DISC1: variants seen among roughly 807,000 people sequenced by gnomAD.
The protein encoded by DISC1 is disrupted in schizophrenia 1 protein.
A neutral mutation model predicts 84.5 loss-of-function variants in DISC1; 57 were observed. The ratio of observed to expected loss-of-function variants is 0.67; its 90% CI spans 0.55 to 0.84. The LOEUF (loss-of-function observed/expected upper bound fraction) is 0.84, where lower values mean the gene tolerates loss of function less well. Among genes scored for constraint, DISC1 ranks in the 40% least tolerant of loss-of-function variants. The probability of loss-of-function intolerance (pLI) is 0.00; values close to 1 mark genes in which losing one functional copy is unlikely to be tolerated. For synonymous variants in DISC1, 411 were observed against 415.2 expected (o/e 0.99, Z 0.12); for missense variants, 1,000 against 1,057.8 (o/e 0.95, Z 0.76).
chr1:231,795,335 T>A, intron 7 of DISC1, 39 bp downstream of exon 7: 1 of 1,583,666 alleles, frequency 6.3e-7, no homozygotes, highest in Non-Finnish European at 8.7e-7. Context: ...AAGAAGCCTA[T>A]GAAGTTTTCG....
Position 232,036,817 on chromosome 1 carries a change from G to C in DISC1, c.2551G>C (p.Glu851Gln). The C allele has an allele frequency of 6.3e-7, 1 of 1,579,370 alleles. No individual in the cohort carries two copies. The highest frequency in any genetic ancestry group is 8.6e-7 in the Non-Finnish European group (1 of 1,159,492). Residue 851 changes from glutamate to glutamine, a missense_variant, in exon 13 of 13, where the codon GAA becomes CAA. Transcript: ENST00000439617. Reference sequence around the variant, plus strand: ...TTCCTGCATGACAGCTGGTGTCCACGAAGCACAAGCCTGAGGAGTGACGGG... The same window carrying C: ...TTCCTGCATGACAGCTGGTGTCCACCAAGCACAAGCCTGAGGAGTGACGGG... ...AASCMTAGVH[E>Q]AQA
intron 3 of DISC1, among the ~76,000 whole-genome samples, chr1:231,715,480 T>C (rs2068565777): frequency 6.6e-6 from 1 of 152,196 alleles, no homozygotes; most frequent in Non-Finnish European, 1.5e-5. Flanking sequence ...GAGACTTTTG[T>C]CTGATCTTTA....
chr1:231,767,173 A>T lies in DISC1; in HGVS notation c.1302A>T (p.Arg434Ser). Residue 434 changes from arginine (R) to serine (S), a missense_variant, in exon 5 of 13, where the codon AGA (arginine) becomes AGT (serine). Physicochemically the swap from Arg to Ser is moderately radical, Grantham distance 110 (BLOSUM62 -1). Coordinates refer to ENST00000439617, the MANE Select transcript of DISC1 (RefSeq NM_018662.3). The stretch of plus-strand genomic sequence containing the variant: ...GAGATGACACCCACACCCCACTGAG[A>T]ATGGAGCCGAGGCTGTTGGAACCCA... ...ASGDDTHTPL[R>S]MEPRLLEPTA... The T allele has an allele frequency of 6.2e-7, 1 of 1,614,218 alleles. No individual in the cohort carries two copies. Among genetic ancestry groups the T allele is most frequent in the East Asian group, 2.2e-5 (1 of 44,880 alleles).
At chr1:231,644,299 G>A (rs1025049741) in intron 1 of DISC1, among the ~76,000 whole-genome samples, 2 of 152,196 alleles carry the variant, frequency 1.3e-5, no homozygotes, top group Non-Finnish European at 2.9e-5. Flanking sequence ...ATGGACATTT[G>A]TTAACAATGG....
chr1:231,901,597 G>T (rs913392552), intron 9 of DISC1, among the ~76,000 whole-genome samples: 1 of 152,160 alleles, frequency 6.6e-6, no homozygotes, highest in Non-Finnish European at 1.5e-5. Context: ...ATGAAATCAG[G>T]CTTGTATGGC....
At chr1:231,720,456 A>G (rs890104797) in intron 3 of DISC1, among the ~76,000 whole-genome samples, 2 of 152,062 alleles carry the variant, frequency 1.3e-5, no homozygotes, top group Non-Finnish European at 2.9e-5. Flanking sequence ...CTCCTGCCTC[A>G]GCCTCTCAAG....
chr1:231,964,406 A>G (rs1382774251), intron 10 of DISC1, among the ~76,000 whole-genome samples: 1 of 152,142 alleles, frequency 6.6e-6, no homozygotes, highest in Non-Finnish European at 1.5e-5. Context: ...ACAGTCTCAA[A>G]TGACCGTGAT....
chr1:231,899,643 A>G (rs2126023721), intron 9 of DISC1, among the ~76,000 whole-genome samples: 1 of 152,350 alleles, frequency 6.6e-6, no homozygotes, highest in South Asian at 2.1e-4. Flanking sequence ...CTTTATACAT[A>G]TATTTTAATA....
chr1:231,980,121 C>T (rs2102864827), intron 10 of DISC1, among the ~76,000 whole-genome samples: 1 of 152,286 alleles, frequency 6.6e-6, no homozygotes, highest in East Asian at 1.9e-4. Flanking sequence ...CTCTCTTCTA[C>T]CTTCCATCTA....
intron 6 of DISC1, among the ~76,000 whole-genome samples, chr1:231,773,055 G>C (rs1192462924): frequency 6.6e-6 from 1 of 152,140 alleles, no homozygotes. Context: ...TTGCAACTGA[G>C]GAATCAAAAA....
chr1:231,916,637 A>G (rs1408355923), intron 9 of DISC1, among the ~76,000 whole-genome samples: 1 of 140,666 alleles, frequency 7.1e-6, no homozygotes, highest in Non-Finnish European at 1.5e-5. Context: ...CCTGGGCGAC[A>G]GAGCGAGACT....
At position 231,836,235 on chromosome 1, in the gene DISC1, C is replaced by G. The variant is rs116198373; in HGVS notation, c.1981+17718C>G. Among the ~76,000 whole-genome samples, 543 of 152,270 alleles carry G rather than the reference C, an allele frequency of 3.6e-3. 2 individuals are homozygous for G. The highest frequency in any genetic ancestry group is 0.012 in the African/African-American group (479 of 41,542). On this transcript the variant is annotated intron_variant, in intron 9 of 12. Transcript: ENST00000439617. ...TTAAGTTGATCCATTATAAAAACAA[C>G]TCCTGCTTACAGGACTATTTTTTTC...
At chr1:231,763,188 G>C (rs1053684723) in intron 4 of DISC1, among the ~76,000 whole-genome samples, 1 of 152,234 alleles carries the variant, frequency 6.6e-6, no homozygotes, top group East Asian at 1.9e-4. Flanking sequence ...AGCCTGATCC[G>C]CATTGACTCC....
rs116630752 is a variant in DISC1, at chr1:231,998,171, G to A, written c.2043-10614G>A. ...GGATTCAGCTGAAAAGCCAATTGGC[G>A]AGCCAGAAGATCTCAGAAATTCTCA... On this transcript the variant is annotated intron_variant, in intron 10 of 12. Coordinates refer to ENST00000439617, the MANE Select transcript of DISC1 (RefSeq NM_018662.3). Among the ~76,000 whole-genome samples the A allele has an allele frequency of 4.4e-3, 676 of 152,300 alleles. 3 individuals are homozygous for A. The highest frequency in any genetic ancestry group is 0.037 in the Middle Eastern group (11 of 294).
chr1:231,809,202 C>T (rs1479193129), intron 8 of DISC1, among the ~76,000 whole-genome samples: 1 of 152,170 alleles, frequency 6.6e-6, no homozygotes, highest in Non-Finnish European at 1.5e-5. Context: ...CCTTCTAATG[C>T]CTGGGCAGCT....
chr1:231,678,956 A>G (rs912123374), intron 1 of DISC1, among the ~76,000 whole-genome samples: 1 of 152,214 alleles, frequency 6.6e-6, no homozygotes, highest in Non-Finnish European at 1.5e-5. Context: ...GATTACAGGC[A>G]TGAGCCACCG....
intron 9 of DISC1, among the ~76,000 whole-genome samples, chr1:231,948,861 ATTTTTTTTTTTT>A (rs58931988): frequency 1.1e-5 from 1 of 94,456 alleles, no homozygotes; most frequent in Non-Finnish European, 2.0e-5. Context: ...TCCTGTGTTA[ATTTTTTTTTTTT>A]TTTTTTTTTT....
chr1:231,906,430 C>T (rs2088647101), intron 9 of DISC1, among the ~76,000 whole-genome samples: 1 of 152,214 alleles, frequency 6.6e-6, no homozygotes. Flanking sequence ...AATTCACTCA[C>T]ATGTGTGAGT....
intron 9 of DISC1, among the ~76,000 whole-genome samples, chr1:231,881,302 G>C (rs1025799280): frequency 6.6e-6 from 1 of 152,152 alleles, no homozygotes; most frequent in African/African-American, 2.4e-5. Flanking sequence ...TTGCACTGTC[G>C]TGGAGGTTAG....
Sources: allele counts gnomAD v4.1 joint callset (sites outside exome capture counted in the v4.1 genomes callset), GRCh38; gene constraint gnomAD v4.1.1; transcripts MANE v1.5; gene names NCBI Gene and HGNC (gene_info 2026-07-23, HGNC 2026-07-21).